TRABD2A: variants seen among roughly 807,000 people sequenced by gnomAD.
TRABD2A encodes the protein metalloprotease TIKI1.
TRABD2A carries 43 observed loss-of-function variants against 45.6 expected under a neutral mutation model. The ratio of observed to expected loss-of-function variants is 0.94; its 90% CI spans 0.74 to 1.22. The LOEUF is 1.22. Ranked by LOEUF, TRABD2A falls within the 50% of genes most tolerant of loss-of-function variation. The pLI, the probability that TRABD2A is intolerant of heterozygous loss-of-function variation, is 0.00. For missense variants in TRABD2A, 642 were observed against 652.4 expected (o/e 0.98, Z 0.17); for synonymous variants, 269 against 265.0 (o/e 1.02, Z -0.15).
At chr2:84,857,741 G>A (rs931904923) in intron 2 of TRABD2A, among the ~76,000 whole-genome samples, 1 of 152,018 alleles carries the variant, frequency 6.6e-6, no homozygotes, top group Non-Finnish European at 1.5e-5. Flanking sequence ...TCCTTCTGAC[G>A]GCCCGGGATC....
chr2:84,852,399 G>A (rs1160919591), intron 2 of TRABD2A, among the ~76,000 whole-genome samples: 1 of 152,104 alleles, frequency 6.6e-6, no homozygotes, highest in Non-Finnish European at 1.5e-5. Context: ...GAATGACCAT[G>A]GGGTTACGGG....
intron 4 of TRABD2A, among the ~76,000 whole-genome samples, chr2:84,838,571 A>C (rs1363347547): frequency 2.0e-5 from 3 of 152,218 alleles, no homozygotes; most frequent in African/African-American, 7.2e-5. Flanking sequence ...CCAGCCCAGC[A>C]AATGATCTTT....
intron 2 of TRABD2A, among the ~76,000 whole-genome samples, chr2:84,850,443 A>G (rs1376796889): frequency 6.6e-6 from 1 of 152,066 alleles, no homozygotes; most frequent in Non-Finnish European, 1.5e-5. Context: ...ACCCTGACAG[A>G]GTAGCTCTTG....
intron 2 of TRABD2A, among the ~76,000 whole-genome samples, chr2:84,869,216 A>C (rs948566082): frequency 2.6e-5 from 4 of 152,252 alleles, no homozygotes; most frequent in African/African-American, 9.6e-5. Context: ...GATTAACAGT[A>C]ATCTCAAATT....
intron 1 of TRABD2A, among the ~76,000 whole-genome samples, chr2:84,874,252 T>G (rs577000493): frequency 2.0e-5 from 3 of 152,324 alleles, no homozygotes; most frequent in South Asian, 2.1e-4. Context: ...CACTGAAAAC[T>G]GATTAAATTT....
rs762927128 is a variant in TRABD2A at position 84,823,944 on chromosome 2, T to C, written c.1334+9A>G. 8.1e-6 allele frequency: 13 copies of C among 1,613,054 alleles called. No individual in the cohort carries two copies. The Admixed American group carries it at 2.2e-4, about 27-fold the overall frequency. On this transcript the variant is annotated intron_variant, in intron 6 of 6. Coordinates refer to ENST00000409520, the MANE Select transcript of TRABD2A (RefSeq NM_001277053.2). ...TGGATGCCAACCCGACCCAGCCTAC[T>C]CGCCTGACCTCTCCTCCAGGCGGAC...
At chr2:84,854,277 G>C (rs1018082988) in intron 2 of TRABD2A, among the ~76,000 whole-genome samples, 8 of 151,938 alleles carry the variant, frequency 5.3e-5, no homozygotes, top group African/African-American at 7.3e-5. Flanking sequence ...GTATCCAAGT[G>C]GGTCTTGGAA....
rs1682833168 is a variant in TRABD2A at position 84,870,401 on chromosome 2, G to T, written c.493C>A (p.Pro165Thr). ...TTGACCATGAGCATCACCCAGACAG[G>T]CCTCTTGCGCTCCCAGTTTCCGGCA... ...AIAGNWERKR[P>T]VWVMLMVNSL... The change falls in exon 2 of 7, where the codon CCT becomes ACT. Residue 165 changes from proline to threonine, a missense_variant. By Grantham distance (38) the Pro-to-Thr change is conservative. Coordinates refer to ENST00000409520, the MANE Select transcript of TRABD2A (RefSeq NM_001277053.2). The T allele has an allele frequency of 6.2e-7, 1 of 1,614,006 alleles. No homozygotes were observed. The highest frequency in any genetic ancestry group is 8.5e-7 in the Non-Finnish European group (1 of 1,179,894).
At chr2:84,838,325 A>G in intron 4 of TRABD2A, 1 of 710,466 alleles carries the variant, frequency 1.4e-6, no homozygotes, top group Non-Finnish European at 2.6e-6. Context: ...GTTTTCTTAA[A>G]TAAACACTTC....
chr2:84,845,161 G>GC (rs919930754), intron 2 of TRABD2A, among the ~76,000 whole-genome samples: 24 of 152,082 alleles, frequency 1.6e-4, no homozygotes, highest in African/African-American at 5.8e-4. Flanking sequence ...GACCAGCCTG[G>GC]CCAACATGGT....
At chr2:84,827,259 G>A (rs1008766568) in intron 5 of TRABD2A, among the ~76,000 whole-genome samples, 1 of 152,128 alleles carries the variant, frequency 6.6e-6, no homozygotes, top group Non-Finnish European at 1.5e-5. Flanking sequence ...TGCATTTCAC[G>A]CAGCCTCCTC....
rs1273038742 is a variant in TRABD2A, at chr2:84,830,183, C to T, written c.1082+1872G>A. Among the ~76,000 whole-genome samples, 1 of 152,150 alleles carries T rather than the reference C, an allele frequency of 6.6e-6. No individual in the cohort carries two copies. The highest frequency in any genetic ancestry group is 2.4e-5 in the African/African-American group (1 of 41,416). On this transcript the variant is annotated intron_variant, in intron 5 of 6. Coordinates refer to ENST00000409520, the MANE Select transcript of TRABD2A (RefSeq NM_001277053.2). The surrounding 1 kb of genome is among the most constrained non-coding windows in gnomAD (Gnocchi z 4.9). ...CACAGTCCTGCAGGGCGCAGAGAAC[C>T]CCTAAGGGCTGGCTCCTCCAGACCT...
intron 2 of TRABD2A, among the ~76,000 whole-genome samples, chr2:84,853,675 G>T (rs1239392740): frequency 2.0e-5 from 3 of 152,218 alleles, no homozygotes; most frequent in Non-Finnish European, 4.4e-5. Context: ...GAAGCTGGAA[G>T]GGGGGATTCT....
At chr2:84,843,118 C>A (rs1188955010) in intron 2 of TRABD2A, among the ~76,000 whole-genome samples, 1 of 151,838 alleles carries the variant, frequency 6.6e-6, no homozygotes, top group African/African-American at 2.4e-5. Flanking sequence ...CACTTACAAC[C>A]CGTGGAATTT....
chr2:84,854,608 T>C (rs532665961), intron 2 of TRABD2A, among the ~76,000 whole-genome samples: 39 of 152,228 alleles, frequency 2.6e-4, no homozygotes, highest in African/African-American at 8.7e-4. Context: ...CTGCACAGAA[T>C]AACAGGGCAA....
At chr2:84,822,374 T>C (rs996825899) in intron 6 of TRABD2A, among the ~76,000 whole-genome samples, 1 of 152,158 alleles carries the variant, frequency 6.6e-6, no homozygotes, top group Admixed American at 6.5e-5. Context: ...GTGAAAGTCT[T>C]CGTATAAGGC....
chr2:84,871,008 G>A (rs1200004077), intron 1 of TRABD2A, among the ~76,000 whole-genome samples: 1 of 152,044 alleles, frequency 6.6e-6, no homozygotes, highest in African/African-American at 2.4e-5. Context: ...TTTCAACCTT[G>A]GCTGTATGTT....
At chr2:84,867,755 C>A (rs532157430) in intron 2 of TRABD2A, among the ~76,000 whole-genome samples, 93 of 152,222 alleles carry the variant, frequency 6.1e-4, no homozygotes, top group African/African-American at 2.1e-3. Context: ...AACAAACAAC[C>A]CCATCACAAA....
chr2:84,823,857 AG>A (rs1315626919), intron 6 of TRABD2A, 95 bp downstream of exon 6: 3 of 1,514,608 alleles, frequency 2.0e-6, no homozygotes, highest in Admixed American at 4.4e-5. Context: ...TTGCTCCATG[AG>A]GGGGGCTCCC....
Sources: gnomAD v4.1 joint callset for allele counts (sites outside exome capture counted in the v4.1 genomes callset) on GRCh38, gnomAD v4.1.1 for gene constraint, Gnocchi (gnomAD v3.1) non-coding constraint, MANE v1.5 for transcripts, NCBI Gene and HGNC (gene_info 2026-07-23, HGNC 2026-07-21) for gene names.